Variants in DLG2 observed in about 807,000 individuals in gnomAD.
The protein encoded by DLG2 is discs large MAGUK scaffold protein 2, also known as disks large homolog 2.
Under a neutral mutation model 132.5 loss-of-function variants are expected in DLG2, and 45 were observed. The observed-to-expected ratio is 0.34, with a 90% CI of 0.27 to 0.44. The LOEUF is 0.44. Ranked by LOEUF, DLG2 falls within the 20% of genes least tolerant of loss-of-function variation. DLG2 has a pLI of 1.00. For synonymous variants in DLG2, 424 were observed against 419.6 expected (o/e 1.01, Z -0.13); for missense variants, 1,045 against 1,196.9 (o/e 0.87, Z 1.87).
At chr11:84,754,801 T>C (rs1447239468) in intron 6 of DLG2, among the ~76,000 whole-genome samples, 3 of 152,190 alleles carry the variant, frequency 2.0e-5, no homozygotes, top group African/African-American at 7.2e-5. Context: ...GTGATTATGA[T>C]GTGTCAAGGT....
chr11:85,574,543 C>T (rs1401780069), intron 3 of DLG2, among the ~76,000 whole-genome samples: 1 of 152,150 alleles, frequency 6.6e-6, no homozygotes, highest in African/African-American at 2.4e-5. Flanking sequence ...CACCAAATCT[C>T]ATATTGCTAT....
chr11:84,638,457 T>C (rs895326593), intron 6 of DLG2, among the ~76,000 whole-genome samples: 2 of 152,174 alleles, frequency 1.3e-5, no homozygotes, highest in Non-Finnish European at 2.9e-5. Context: ...GTCCCATTTT[T>C]GGAAGGGAAG....
At chr11:85,104,658 G>A (rs910053077) in intron 6 of DLG2, among the ~76,000 whole-genome samples, 2 of 151,702 alleles carry the variant, frequency 1.3e-5, no homozygotes, top group Non-Finnish European at 1.5e-5. Context: ...ACAACTCTGT[G>A]AAAGAACTAA....
At position 85,564,826 on chromosome 11, in the gene DLG2, T is replaced by C. The variant is rs926322480; in HGVS notation, c.40+33831A>G. On this transcript the variant is annotated intron_variant, in intron 3 of 27. Transcript: ENST00000376104. ...CATTGCATAGAATTTATAGAGCAATTTGGGGAGAACTAGCATCTTAACAAT... is the reference window on the plus strand; with the variant it reads ...CATTGCATAGAATTTATAGAGCAATCTGGGGAGAACTAGCATCTTAACAAT... Among the ~76,000 whole-genome samples the C allele has an allele frequency of 3.9e-5, 6 of 152,090 alleles. No homozygotes were observed. The South Asian group carries it at 8.3e-4, about 21-fold the overall frequency.
chr11:85,474,488 G>A (rs186380394), intron 3 of DLG2, among the ~76,000 whole-genome samples: 131 of 151,986 alleles, frequency 8.6e-4, no homozygotes, highest in African/African-American at 3.0e-3. Flanking sequence ...ATTGAACTGT[G>A]CTGTTCTAAA....
At chr11:85,507,851 C>T (rs571261945) in intron 3 of DLG2, among the ~76,000 whole-genome samples, 14 of 152,220 alleles carry the variant, frequency 9.2e-5, no homozygotes, top group African/African-American at 2.9e-4. Context: ...ACCAATCAGA[C>T]GTAGATTTGG....
intron 7 of DLG2, among the ~76,000 whole-genome samples, chr11:84,434,439 A>G (rs575407278): frequency 6.8e-4 from 104 of 152,288 alleles, no homozygotes; most frequent in Non-Finnish European, 1.2e-3. Flanking sequence ...AGACACAAGG[A>G]GTCAGTTTTG....
chr11:84,979,191 A>T (rs1008179650), intron 6 of DLG2, among the ~76,000 whole-genome samples: 1 of 152,144 alleles, frequency 6.6e-6, no homozygotes, highest in Non-Finnish European at 1.5e-5. Flanking sequence ...GAAAAATAGG[A>T]ACTAGTTTAC....
chr11:83,560,590 A>T (rs531372359), intron 19 of DLG2, among the ~76,000 whole-genome samples: 1 of 152,324 alleles, frequency 6.6e-6, no homozygotes, highest in Non-Finnish European at 1.5e-5. Context: ...AATAAGAAAT[A>T]AAGGGCTGAT....
At chr11:84,506,335 A>C (rs1330864517) in intron 7 of DLG2, among the ~76,000 whole-genome samples, 1 of 151,998 alleles carries the variant, frequency 6.6e-6, no homozygotes, top group Non-Finnish European at 1.5e-5. Context: ...TCGGCCTCCC[A>C]AAGTGCTGGG....
intron 13 of DLG2, among the ~76,000 whole-genome samples, chr11:83,964,135 C>G (rs1291168352): frequency 6.6e-6 from 1 of 151,950 alleles, no homozygotes; most frequent in Non-Finnish European, 1.5e-5. Flanking sequence ...TGAAATTACT[C>G]AATACTTATT....
intron 3 of DLG2, among the ~76,000 whole-genome samples, chr11:85,302,646 T>TAAA (rs202166044): frequency 3.8e-5 from 4 of 105,848 alleles, no homozygotes; most frequent in Non-Finnish European, 4.1e-5. Context: ...CTTGAAAAGT[T>TAAA]AAAAAAAAAA....
At chr11:85,447,972 C>T (rs2092083927) in intron 3 of DLG2, among the ~76,000 whole-genome samples, 1 of 152,096 alleles carries the variant, frequency 6.6e-6, no homozygotes, top group Non-Finnish European at 1.5e-5. Context: ...TTGGAGGCAG[C>T]TTAGAGCAAT....
At chr11:84,549,562 C>T (rs1287891980) in intron 6 of DLG2, among the ~76,000 whole-genome samples, 2 of 152,150 alleles carry the variant, frequency 1.3e-5, no homozygotes, top group Non-Finnish European at 2.9e-5. Flanking sequence ...TGTTCCTGCA[C>T]CAACCAGCAG....
At chr11:84,815,971 T>G (rs2077045681) in intron 6 of DLG2, among the ~76,000 whole-genome samples, 1 of 152,072 alleles carries the variant, frequency 6.6e-6, no homozygotes, top group Admixed American at 6.6e-5. Context: ...GCTGTTACTC[T>G]TTCAGTTTGC....
chr11:83,978,001 C>G (rs1363068397), intron 12 of DLG2, among the ~76,000 whole-genome samples: 1 of 151,956 alleles, frequency 6.6e-6, no homozygotes, highest in East Asian at 1.9e-4. Flanking sequence ...TTCACAAAAC[C>G]AGGCAGAGAT....
intron 14 of DLG2, among the ~76,000 whole-genome samples, chr11:83,945,487 T>C (rs2083611842): frequency 6.6e-6 from 1 of 152,164 alleles, no homozygotes; most frequent in Non-Finnish European, 1.5e-5. Flanking sequence ...AAATCTGAGC[T>C]CCTAAACTGT....
Position 83,718,394 on chromosome 11 carries a change from C to T in DLG2, c.1825+68296G>A, listed in dbSNP as rs76199046. ...TCTACTAAAAATACCAAAAATTAGC[C>T]GGGCATGATGGTCCAGCTACTCAGG... On this transcript the variant is annotated intron_variant, in intron 18 of 27. Transcript: ENST00000376104. 3.3e-5 allele frequency among the ~76,000 whole-genome samples: 5 copies of T among 151,776 alleles called. No homozygotes were observed. In the East Asian group the frequency reaches 9.7e-4, roughly 29 times the overall value.
At chr11:83,986,157 C>T (rs1483625470) in intron 11 of DLG2, among the ~76,000 whole-genome samples, 3 of 151,518 alleles carry the variant, frequency 2.0e-5, no homozygotes, top group Non-Finnish European at 4.4e-5. Context: ...GTGCTGCACC[C>T]ATTAACTCGT....
Sources: allele counts gnomAD v4.1 joint callset (sites outside exome capture counted in the v4.1 genomes callset), GRCh38; gene constraint gnomAD v4.1.1; transcripts MANE v1.5; gene names NCBI Gene and HGNC (gene_info 2026-07-23, HGNC 2026-07-21).